The following FAAH2 variants were observed in gnomAD, a reference collection of about 807,000 sequenced individuals.
FAAH2 encodes fatty-acid amide hydrolase 2.
A neutral mutation model predicts 36.9 loss-of-function variants in FAAH2; 60 were observed. The observed-to-expected ratio is 1.63, with a 90% CI of 1.32 to 2.02. The LOEUF (loss-of-function observed/expected upper bound fraction) is 2.02, where lower values mean the gene tolerates loss of function less well. Among genes scored for constraint, FAAH2 ranks in the 30% most tolerant of loss-of-function variants. The pLI is 0.00. For synonymous variants in FAAH2, 214 were observed against 143.8 expected (o/e 1.49, Z -3.49); for missense variants, 689 against 397.5 (o/e 1.73, Z -6.23).
the FAAH2 span, among the ~76,000 whole-genome samples, chrX:57,147,251 G>T: frequency 9.0e-6 from 1 of 111,319 alleles, no homozygotes; most frequent in Non-Finnish European, 1.9e-5. Flanking sequence ...CTTGTTATTG[G>T]TCTGTTCAGG....
chrX:57,150,995 T>G, the FAAH2 span, among the ~76,000 whole-genome samples: 4 of 111,841 alleles, frequency 3.6e-5, no homozygotes, highest in Non-Finnish European at 7.5e-5. Flanking sequence ...GTCTGTAAAG[T>G]ATTTTATTTT....
At chrX:57,219,747 C>G in the FAAH2 span, among the ~76,000 whole-genome samples, 29 of 102,027 alleles carry the variant, frequency 2.8e-4, no homozygotes, top group East Asian at 8.1e-3. Context: ...CCCACCCTCC[C>G]TTATGGGAAA....
At chrX:57,244,858 G>A in the FAAH2 span, among the ~76,000 whole-genome samples, 1 of 111,046 alleles carries the variant, frequency 9.0e-6, no homozygotes, top group African/African-American at 3.3e-5. Flanking sequence ...CATAATGACA[G>A]GTTCAAATTG....
chrX:57,321,937 T>A (rs138152650), intron 3 of FAAH2, among the ~76,000 whole-genome samples: 327 of 112,269 alleles, frequency 2.9e-3, no homozygotes, highest in African/African-American at 0.01. Flanking sequence ...ATAAGGCACA[T>A]CTGGTGGCAA....
intron 7 of FAAH2, among the ~76,000 whole-genome samples, chrX:57,429,625 G>A (rs2056246677): frequency 9.0e-6 from 1 of 111,263 alleles, no homozygotes; most frequent in African/African-American, 3.3e-5. Flanking sequence ...AATACATAGG[G>A]TTCTCAAAGA....
the FAAH2 span, among the ~76,000 whole-genome samples, chrX:57,231,877 A>C: frequency 8.9e-6 from 1 of 111,736 alleles, no homozygotes; most frequent in Non-Finnish European, 1.9e-5. Context: ...GGTTAAAACA[A>C]AACAAGCCCC....
At chrX:57,143,018 C>A in the FAAH2 span, among the ~76,000 whole-genome samples, 1 of 110,993 alleles carries the variant, frequency 9.0e-6, no homozygotes, top group Admixed American at 9.6e-5. Context: ...AAATTAGTTT[C>A]TTGTACACAG....
At chrX:57,322,855 T>A (rs899227260) in intron 3 of FAAH2, among the ~76,000 whole-genome samples, 1 of 110,772 alleles carries the variant, frequency 9.0e-6, no homozygotes, top group Non-Finnish European at 1.9e-5. Flanking sequence ...AATTATACTT[T>A]AAGTTTTAGG....
intron 7 of FAAH2, among the ~76,000 whole-genome samples, chrX:57,424,095 C>T (rs1413639909): frequency 8.9e-6 from 1 of 112,032 alleles, no homozygotes; most frequent in Admixed American, 9.4e-5. Context: ...CCACCTGGTA[C>T]ATTAAGACTA....
chrX:57,198,718 G>T, the FAAH2 span, among the ~76,000 whole-genome samples: 1 of 112,352 alleles, frequency 8.9e-6, no homozygotes, highest in Non-Finnish European at 1.9e-5. Flanking sequence ...ATGGAGACTT[G>T]GTGATAAACT....
rs1348553503 is a variant in FAAH2 at position 57,486,880 on chromosome X, TTCTTA to T, written c.1424-1873_1424-1869del. 4.5e-5 allele frequency among the ~76,000 whole-genome samples: 5 copies of T among 111,906 alleles called. No homozygotes were observed. The South Asian group carries it at 1.5e-3, about 34-fold the overall frequency. On this transcript the variant is annotated intron_variant, in intron 10 of 10. Transcript: ENST00000374900. ...AAATTCAGGGATATTCATGAAAGTATTCTTATCTGCGGATAGTTAGTAGTTGGATT... is the reference window on the plus strand; with the variant it reads ...AAATTCAGGGATATTCATGAAAGTATTCTGCGGATAGTTAGTAGTTGGATT...
intron 3 of FAAH2, among the ~76,000 whole-genome samples, chrX:57,321,380 G>A (rs886752181): frequency 1.8e-5 from 2 of 109,128 alleles, no homozygotes; most frequent in Admixed American, 9.9e-5. Flanking sequence ...AGTAGATGAC[G>A]TGTTGATGGG....
chrX:57,384,901 C>G (rs1490734581), intron 7 of FAAH2, among the ~76,000 whole-genome samples: 2 of 111,248 alleles, frequency 1.8e-5, no homozygotes, highest in Non-Finnish European at 3.8e-5. Context: ...CAATGATAGA[C>G]TGGATTAAGA....
At chrX:57,213,824 T>C in the FAAH2 span, among the ~76,000 whole-genome samples, 6 of 112,038 alleles carry the variant, frequency 5.4e-5, no homozygotes, top group Non-Finnish European at 9.4e-5. Flanking sequence ...GAATTGTCTG[T>C]AGATGTCTGC....
At chrX:57,160,376 C>T in the FAAH2 span, among the ~76,000 whole-genome samples, 1 of 111,703 alleles carries the variant, frequency 9.0e-6, no homozygotes. Context: ...GGGAGGATTG[C>T]CTCTTTTTCT....
the FAAH2 span, among the ~76,000 whole-genome samples, chrX:57,205,769 C>A: frequency 8.9e-6 from 1 of 112,131 alleles, no homozygotes; most frequent in African/African-American, 3.2e-5. Context: ...GAAACAGTTT[C>A]GTTTTAGGAA....
intron 2 of FAAH2, among the ~76,000 whole-genome samples, chrX:57,293,656 G>A (rs757614018): frequency 4.6e-4 from 51 of 111,826 alleles, no homozygotes; most frequent in Middle Eastern, 4.6e-3. Context: ...ACATTTGAGA[G>A]AGATTCTATT....
rs1234791139 is a variant in FAAH2 at position 57,448,575 on chromosome X, AG to A, written c.1281del (p.Lys427AsnfsTer17). The A allele has an allele frequency of 8.3e-7, 1 of 1,209,608 alleles. No individual in the cohort carries two copies. The highest frequency in any genetic ancestry group is 1.8e-5 in the African/African-American group (1 of 57,131). ...AGATATAGCAATGAGAAATACCAAA[AG>A]TTTAAGGCAGTGGAAGAAAGCCTGC... Reference protein sequence around the residue: ...KLRYSNEKYQKFKAVEESLRK... With the variant: ...KLRYSNEKYQXFKAVEESLRK... On this transcript the variant is annotated frameshift_variant, in exon 10 of 11. Transcript: ENST00000374900. LOFTEE classifies it high-confidence loss of function.
the FAAH2 span, among the ~76,000 whole-genome samples, chrX:57,248,753 C>CAAAAA: frequency 1.5e-3 from 22 of 14,495 alleles, 1 homozygote; most frequent in African/African-American, 4.6e-3. Context: ...AGCTCCGTCT[C>CAAAAA]AAAAAAAAAA....
Sources: allele counts gnomAD v4.1 joint callset (sites outside exome capture counted in the v4.1 genomes callset), GRCh38; gene constraint gnomAD v4.1.1; transcripts MANE v1.5; gene names NCBI Gene and HGNC (gene_info 2026-07-23, HGNC 2026-07-21).